Variants in NTSR2 observed in about 807,000 individuals in gnomAD.
NTSR2 encodes the protein neurotensin receptor type 2.
Under a neutral mutation model 24.1 loss-of-function variants are expected in NTSR2, and 22 were observed. The ratio of observed to expected loss-of-function variants is 0.91; its 90% CI spans 0.65 to 1.30. NTSR2 has a LOEUF of 1.30. NTSR2 is among the 50% of genes most tolerant of loss of function. NTSR2 has a pLI of 0.00. For synonymous variants in NTSR2, 291 were observed against 267.0 expected (o/e 1.09, Z -0.88); for missense variants, 570 against 570.4 (o/e 1.00, Z 0.01).
intron 3 of NTSR2, among the ~76,000 whole-genome samples, chr2:11,659,063 G>A (rs1442302020): frequency 6.6e-6 from 1 of 152,172 alleles, no homozygotes; most frequent in East Asian, 1.9e-4. Flanking sequence ...ATGTTGGCCA[G>A]ACTGGTCTTG....
chr2:11,669,460 G>GGGGGGGGGGCCCCCCCCCCCCCCCC, intron 1 of NTSR2, 46 bp downstream of exon 1: 1 of 254,726 alleles, frequency 3.9e-6, no homozygotes. Flanking sequence ...TCCCAGCACC[G>GGGGGGGGGGCCCCCCCCCCCCCCCC]CCCCCCCACC....
chr2:11,667,538 T>G (rs998652462), intron 1 of NTSR2, among the ~76,000 whole-genome samples: 3 of 152,062 alleles, frequency 2.0e-5, no homozygotes, highest in Non-Finnish European at 2.9e-5. Flanking sequence ...AGAGACAGGG[T>G]TTCACTATGT....
chr2:11,669,673 G>A lies in NTSR2; in HGVS notation c.457C>T (p.Arg153Trp), dbSNP rs1156820706. The A allele has an allele frequency of 3.2e-6, 5 of 1,539,416 alleles. No individual in the cohort carries two copies. The highest frequency in any genetic ancestry group is 4.4e-6 in the Non-Finnish European group (5 of 1,148,538). ...GCCCACGAGAGCGCCACCAGCCACC[G>A]GGTCCGGCGTGGCGTCAGCAGGCTG... ...ARSLLTPRRT[R>W]WLVALSWAAS... Residue 153 changes from arginine to tryptophan, a missense_variant, in exon 1 of 4, where the codon CGG becomes TGG. By Grantham distance (101) the Arg-to-Trp change is moderately radical. Transcript: ENST00000306928.
intron 1 of NTSR2, among the ~76,000 whole-genome samples, chr2:11,663,273 C>T (rs1661120056): frequency 1.3e-5 from 2 of 152,098 alleles, no homozygotes. Flanking sequence ...GGGTATCCTA[C>T]ACAGGACCCA....
Position 11,658,238 on chromosome 2 carries a change from A to C in NTSR2, c.*241T>G, listed in dbSNP as rs1437659693. Reference sequence around the variant, plus strand: ...CACCAGGTTCTGTGCTAAGCACTTTAGTCTCAGGCAACACTAAGAGATGGG... The same window carrying C: ...CACCAGGTTCTGTGCTAAGCACTTTCGTCTCAGGCAACACTAAGAGATGGG... On this transcript the variant is annotated 3_prime_UTR_variant, in exon 4 of 4. Transcript: ENST00000306928. 35 of 453,846 alleles carry C rather than the reference A, an allele frequency of 7.7e-5. No individual in the cohort carries two copies. The highest frequency in any genetic ancestry group is 1.2e-4 in the Non-Finnish European group (31 of 259,384). The allele number at this position is 453,846 out of a possible 1,614,324, so 28.1% of individuals were successfully genotyped here.
At chr2:11,661,349 C>T (rs1661067418) in intron 2 of NTSR2, among the ~76,000 whole-genome samples, 1 of 152,238 alleles carries the variant, frequency 6.6e-6, no homozygotes, top group Non-Finnish European at 1.5e-5. Context: ...TTACTTATCA[C>T]ATCACATTGC....
At chr2:11,660,238 C>G (rs565331938) in intron 2 of NTSR2, 105 bp from the exon 3 acceptor site, 2 of 844,428 alleles carry the variant, frequency 2.4e-6, no homozygotes, top group East Asian at 5.1e-5. Context: ...AGCAGCATTT[C>G]CCTCTAACTT....
In NTSR2 at chr2:11,662,094, C is replaced by T. The variant is rs1558696480; in HGVS notation, c.771G>A (p.Leu257=). Residue 257 remains leucine, a synonymous_variant, in exon 2 of 4, where the codon CTG becomes CTA. Coordinates refer to ENST00000306928, the MANE Select transcript of NTSR2 (RefSeq NM_012344.4). ...TGAAGCTGAGGAGACCCTCCTCACT[C>T]AGCAGCTCCAGGCGGCTGGGGGTGG... The part of the protein sequence containing the change: ...GSSTPSRLEL[L]SEEGLLSFIV... 6.2e-7 allele frequency: 1 copy of T among 1,613,492 alleles called. No individual in the cohort carries two copies. The highest frequency in any genetic ancestry group is 8.5e-7 in the Non-Finnish European group (1 of 1,179,862).
At chr2:11,658,781 T>G (rs899779517) in intron 3 of NTSR2, 59 bp from the exon 4 acceptor site, 149 of 1,582,548 alleles carry the variant, frequency 9.4e-5, no homozygotes, top group Admixed American at 5.2e-4. Context: ...CAGTGTCCAC[T>G]TCCTACTGGA....
At chr2:11,665,066 T>C (rs868293066) in intron 1 of NTSR2, among the ~76,000 whole-genome samples, 1 of 147,268 alleles carries the variant, frequency 6.8e-6, no homozygotes, top group African/African-American at 2.6e-5. Flanking sequence ...TTTTTTTTTT[T>C]TTTTTTTTTT....
In NTSR2 at chr2:11,660,098, G is replaced by A; in HGVS notation, c.934C>T (p.Pro312Ser). 6.2e-7 allele frequency: 1 copy of A among 1,613,790 alleles called. No homozygotes were observed. Among genetic ancestry groups the A allele is most frequent in the Non-Finnish European group, 8.5e-7 (1 of 1,179,994 alleles). Residue 312 changes from proline to serine, a missense_variant, in exon 3 of 4, where the codon CCG (proline) becomes TCG (serine). Physicochemically the swap from Pro to Ser is moderately conservative, Grantham distance 74. Coordinates refer to ENST00000306928, the MANE Select transcript of NTSR2 (RefSeq NM_012344.4). ...IVVMYVICWLPYHARRLMYCY... is the reference protein window; with the variant it reads ...IVVMYVICWLSYHARRLMYCY... ...TACATGAGCCTGCGGGCATGGTACGGCAGCCAGCAGATGACATACATGACC... is the reference window on the plus strand; with the variant it reads ...TACATGAGCCTGCGGGCATGGTACGACAGCCAGCAGATGACATACATGACC...
chr2:11,662,293 C>T (rs978893630), intron 1 of NTSR2, 53 bp from the exon 2 acceptor site: 50 of 1,427,722 alleles, frequency 3.5e-5, no homozygotes, highest in African/African-American at 4.4e-5. Flanking sequence ...CTGCGGCCCT[C>T]GCCATCTGGC....
rs755644028 is a variant in NTSR2 at position 11,669,556 on chromosome 2, G to A, written c.574C>T (p.Arg192Ter). 1.4e-6 allele frequency: 2 copies of A among 1,480,608 alleles called. No homozygotes were observed. Among genetic ancestry groups the A allele is most frequent in the Admixed American group, 2.0e-5 (1 of 51,254 alleles). 91.7% of individuals were successfully genotyped at this position (1,480,608 alleles called of 1,614,324 possible). A position where few individuals can be genotyped will look rare whatever the true frequency, so the allele number is the denominator to read the frequency against. ...TADGEPEPASRVCTVLVSRTA... is the reference protein window; with the variant it reads ...TADGEPEPAS ...CGGCTCACCAGCACCGTGCACACTC[G>A]CGAGGCGGGCTCCGGCTCCCCGTCC... The change falls in exon 1 of 4, where the codon CGA (arginine) becomes TGA (stop). Residue 192 changes from arginine to a stop codon, truncating the protein, a stop_gained. Transcript: ENST00000306928. LOFTEE classifies it high-confidence loss of function.
intron 1 of NTSR2, 46 bp downstream of exon 1, chr2:11,669,460 G>GGGCCCCCCCCCCCCCCCCCCCCCCCCCCC: frequency 3.9e-6 from 1 of 254,726 alleles, no homozygotes; most frequent in Non-Finnish European, 6.9e-6. Flanking sequence ...TCCCAGCACC[G>GGGCCCCCCCCCCCCCCCCCCCCCCCCCCC]CCCCCCCACC....
chr2:11,661,688 C>T (rs754114074), intron 2 of NTSR2, among the ~76,000 whole-genome samples: 1 of 152,164 alleles, frequency 6.6e-6, no homozygotes, highest in Non-Finnish European at 1.5e-5. Flanking sequence ...TCATCCACAC[C>T]GCCAGACTCA....
intron 2 of NTSR2, among the ~76,000 whole-genome samples, chr2:11,660,796 C>CT (rs1321693373): frequency 6.6e-6 from 1 of 152,208 alleles, no homozygotes; most frequent in African/African-American, 2.4e-5. Flanking sequence ...CCTCTTGCTC[C>CT]TTTAGTCCTT....
In NTSR2 at chr2:11,670,062, A is replaced by G; in HGVS notation, c.68T>C (p.Leu23Pro). The change falls in exon 1 of 4, where the codon CTG (leucine) becomes CCG (proline). Residue 23 changes from leucine (L) to proline (P), a missense_variant. By Grantham distance (98) the Leu-to-Pro change is moderately conservative. Transcript: ENST00000306928. ...SNPGLSLDARLGVDTRLWAKV... is the reference protein window; with the variant it reads ...SNPGLSLDARPGVDTRLWAKV... ...GGCCCAGAGGCGAGTGTCCACGCCCAGCCGGGCGTCCAGGCTCAGCCCCGG... is the reference window on the plus strand; with the variant it reads ...GGCCCAGAGGCGAGTGTCCACGCCCGGCCGGGCGTCCAGGCTCAGCCCCGG... The G allele has an allele frequency of 6.8e-7, 1 of 1,471,832 alleles. No individual in the cohort carries two copies. The highest frequency in any genetic ancestry group is 8.9e-7 in the Non-Finnish European group (1 of 1,118,474). The allele number at this position is 1,471,832 out of a possible 1,614,324, so 91.2% of individuals were successfully genotyped here.
rs371590483 is a variant in NTSR2 at position 11,668,160 on chromosome 2, C to A, written c.624+1346G>T. On this transcript the variant is annotated intron_variant, in intron 1 of 3. Coordinates refer to ENST00000306928, the MANE Select transcript of NTSR2 (RefSeq NM_012344.4). ...ACAAAGCGGCTCCACTGAACACCCA[C>A]GAAATCTTAAGACGTTGCCTGCTTC... Among the ~76,000 whole-genome samples, 73 of 152,314 alleles carry A rather than the reference C, an allele frequency of 4.8e-4. 2 individuals are homozygous for A. The South Asian group carries it at 0.015, about 32-fold the overall frequency.
Position 11,670,032 on chromosome 2 carries a change from A to T in NTSR2, c.98T>A (p.Val33Glu). The T allele has an allele frequency of 6.6e-7, 1 of 1,511,414 alleles. No individual in the cohort carries two copies. Among genetic ancestry groups the T allele is most frequent in the Non-Finnish European group, 8.8e-7 (1 of 1,135,858 alleles). The allele number at this position is 1,511,414 out of a possible 1,614,324, so 93.6% of individuals were successfully genotyped here. A position where few individuals can be genotyped will look rare whatever the true frequency, so the allele number is the denominator to read the frequency against. ...GAGTGCGTAGAGCGCGGTGAACAGC[A>T]CCTTGGCCCAGAGGCGAGTGTCCAC... ...LGVDTRLWAK[V>E]LFTALYALIW... Residue 33 changes from valine to glutamate, a missense_variant, in exon 1 of 4, where the codon GTG becomes GAG. Physicochemically the swap from Val to Glu is moderately radical, Grantham distance 121. Transcript: ENST00000306928.
Sources: gnomAD v4.1 joint callset for allele counts (sites outside exome capture counted in the v4.1 genomes callset) on GRCh38, gnomAD v4.1.1 for gene constraint, MANE v1.5 for transcripts, NCBI Gene and HGNC (gene_info 2026-07-23, HGNC 2026-07-21) for gene names.